Variants in SLC38A10 observed in about 807,000 individuals in gnomAD.
SLC38A10 encodes the protein solute carrier family 38 member 10, also known as Sodium-coupled neutral amino acid transporter 10.
Under a neutral mutation model 81.0 loss-of-function variants are expected in SLC38A10, and 53 were observed. The ratio of observed to expected loss-of-function variants is 0.65; its 90% CI spans 0.53 to 0.82. The LOEUF is 0.82. Ranked by LOEUF, SLC38A10 falls within the 40% of genes least tolerant of loss-of-function variation. SLC38A10 has a pLI of 0.00. For synonymous variants in SLC38A10, 665 were observed against 655.3 expected (o/e 1.01, Z -0.23); for missense variants, 1,471 against 1,545.0 (o/e 0.95, Z 0.80).
intron 10 of SLC38A10, 138 bp from the exon 11 acceptor site, chr17:81,260,532 C>T (rs902050564): frequency 1.7e-5 from 20 of 1,197,682 alleles, no homozygotes; most frequent in African/African-American, 1.5e-4. Context: ...CCCCCGAGGA[C>T]GGGACAGGCG....
At position 81,247,198 on chromosome 17, in the gene SLC38A10, C is replaced by T. The variant is rs577662046; in HGVS notation, c.2066-137G>A. On this transcript the variant is annotated intron_variant, in intron 14 of 15. Transcript: ENST00000374759. Reference sequence around the variant, plus strand: ...GCCCGAACACTGGCCACTGGTGACACCCATCATGACTGTGACCGTGAAGCC... The same window carrying T: ...GCCCGAACACTGGCCACTGGTGACATCCATCATGACTGTGACCGTGAAGCC... 119 of 858,638 alleles carry T rather than the reference C, an allele frequency of 1.4e-4. No homozygotes were observed. The South Asian group carries it at 2.4e-3, about 17-fold the overall frequency. The allele number at this position is 858,638 out of a possible 1,614,324, so 53.2% of individuals were successfully genotyped here.
intron 6 of SLC38A10, among the ~76,000 whole-genome samples, chr17:81,278,845 G>A (rs1338818297): frequency 6.6e-6 from 1 of 152,186 alleles, no homozygotes; most frequent in Admixed American, 6.5e-5. Context: ...GACACTGTGG[G>A]AAGGGGTGTC....
intron 10 of SLC38A10, among the ~76,000 whole-genome samples, chr17:81,267,390 C>G (rs1396324229): frequency 6.6e-6 from 1 of 152,108 alleles, no homozygotes. Flanking sequence ...TGGGGAAATT[C>G]TAACTATGGC....
chr17:81,250,761 A>G, intron 14 of SLC38A10: 1 of 911,450 alleles, frequency 1.1e-6, no homozygotes, highest in Non-Finnish European at 1.3e-6. Context: ...GACATGGCAC[A>G]GAAGCCTGTC....
At chr17:81,256,453 C>T (rs1031213817) in intron 11 of SLC38A10, among the ~76,000 whole-genome samples, 4 of 152,220 alleles carry the variant, frequency 2.6e-5, no homozygotes, top group African/African-American at 4.8e-5. Flanking sequence ...TGCGGGCTGC[C>T]GGCTTGGACC....
rs2063107987 is a variant in SLC38A10 at position 81,270,762 on chromosome 17, T to G, written c.1131+156A>C. On this transcript the variant is annotated intron_variant, in intron 10 of 15. Transcript: ENST00000374759. This position sits in a 1 kb window ranked among gnomAD's most constrained non-coding sequence, Gnocchi z 4.0. ...CCGTGCGTCCTGGTGAACCCAGGGT[T>G]CCCCAGGCTGACTGGACCAAGTCCC... Among the ~76,000 whole-genome samples, 2 of 152,168 alleles carry G rather than the reference T, an allele frequency of 1.3e-5. No individual in the cohort carries two copies. The highest frequency in any genetic ancestry group is 4.1e-4 in the South Asian group (2 of 4,828).
chr17:81,293,384 C>T (rs2063324898), intron 1 of SLC38A10, among the ~76,000 whole-genome samples: 2 of 152,260 alleles, frequency 1.3e-5, no homozygotes, highest in African/African-American at 4.8e-5. Flanking sequence ...CTTCCCCTGA[C>T]AGGCTCACCA....
Position 81,281,103 on chromosome 17 carries a change from T to C in SLC38A10, c.502-370A>G, listed in dbSNP as rs7212762. Among the ~76,000 whole-genome samples, 26,561 of 152,216 alleles carry C rather than the reference T, an allele frequency of 0.17. 3,015 individuals carry two copies. Among genetic ancestry groups the C allele is most frequent in the African/African-American group, 0.32 (13,143 of 41,490 alleles). On this transcript the variant is annotated intron_variant, in intron 5 of 15. Transcript: ENST00000374759. This position sits in a 1 kb window ranked among gnomAD's most constrained non-coding sequence, Gnocchi z 5.3. ...CACGTGGGCAGGTCCCTCCCCATCT[T>C]GTACTGTGTTAGACATGGACATTTT...
rs1205716813 is a variant in SLC38A10 at position 81,281,011 on chromosome 17, C to T, written c.502-278G>A. ...CTGCTCTTGCAAGGGGGCTGCTTGG[C>T]GCAGACGGGAGGAGACCACTGAGCA... On this transcript the variant is annotated intron_variant, in intron 5 of 15. Coordinates refer to ENST00000374759, the MANE Select transcript of SLC38A10 (RefSeq NM_001037984.3). This position sits in a 1 kb window ranked among gnomAD's most constrained non-coding sequence, Gnocchi z 5.3. Among the ~76,000 whole-genome samples, 1 of 152,244 alleles carries T rather than the reference C, an allele frequency of 6.6e-6. No individual in the cohort carries two copies. Among genetic ancestry groups the T allele is most frequent in the African/African-American group, 2.4e-5 (1 of 41,478 alleles).
Position 81,286,564 on chromosome 17 carries a change from A to C in SLC38A10, c.218-1669T>G, listed in dbSNP as rs573179025. 6.6e-6 allele frequency among the ~76,000 whole-genome samples: 1 copy of C among 152,332 alleles called. No individual in the cohort carries two copies. Among genetic ancestry groups the C allele is most frequent in the East Asian group, 1.9e-4 (1 of 5,188 alleles). ...TGCGTGGACTGGCACAGAGAAAGGG[A>C]GGAAGAGGCTGAAGCGCCCAGCAAG... On this transcript the variant is annotated intron_variant, in intron 2 of 15. Coordinates refer to ENST00000374759, the MANE Select transcript of SLC38A10 (RefSeq NM_001037984.3). This position sits in a 1 kb window ranked among gnomAD's most constrained non-coding sequence, Gnocchi z 6.0.
At chr17:81,252,001 T>C in intron 13 of SLC38A10, 194 bp downstream of exon 13, 2 of 769,436 alleles carry the variant, frequency 2.6e-6, no homozygotes, top group Admixed American at 5.6e-5. Context: ...GTGTGACAGA[T>C]ATTACAGTAG....
chr17:81,255,736 C>T (rs1004404537), intron 11 of SLC38A10, among the ~76,000 whole-genome samples: 4 of 152,212 alleles, frequency 2.6e-5, no homozygotes, highest in South Asian at 4.1e-4. Context: ...TGGCTCACTC[C>T]GGTAATCCCA....
intron 10 of SLC38A10, chr17:81,263,355 C>T (rs935015151): frequency 6.6e-6 from 1 of 152,500 alleles, no homozygotes; most frequent in Non-Finnish European, 1.5e-5. Context: ...ACCTCCTACC[C>T]CAAGGCGTCC....
chr17:81,246,383 C>G lies in SLC38A10; in HGVS notation c.2533G>C (p.Ala845Pro). 6.2e-7 allele frequency: 1 copy of G among 1,600,868 alleles called. No homozygotes were observed. Among genetic ancestry groups the G allele is most frequent in the Middle Eastern group, 1.7e-4 (1 of 5,792 alleles). ...TTGGGGAGCTCCTTCACAGTGCCAG[C>G]TGCCCTGGGGGCGGCATCCTTCTGG... ...DGQKDAAPRA[A>P]GTVKELPKGP... is the part of the protein sequence containing the mutation. Residue 845 changes from alanine to proline, a missense_variant, in exon 16 of 16, where the codon GCT (alanine) becomes CCT (proline). Coordinates refer to ENST00000374759, the MANE Select transcript of SLC38A10 (RefSeq NM_001037984.3).
intron 8 of SLC38A10, among the ~76,000 whole-genome samples, chr17:81,274,144 G>A (rs1252009486): frequency 6.6e-6 from 1 of 152,254 alleles, no homozygotes. Flanking sequence ...CTGGCCAGAT[G>A]CGCGGAGGGA....
At chr17:81,290,203 T>C (rs1419645877) in intron 1 of SLC38A10, among the ~76,000 whole-genome samples, 1 of 152,192 alleles carries the variant, frequency 6.6e-6, no homozygotes, top group Non-Finnish European at 1.5e-5. Flanking sequence ...TTTTCCCCGT[T>C]CTCATAAGTT....
rs760536996 is a variant in SLC38A10 at position 81,251,591 on chromosome 17, G to A, written c.1967C>T (p.Ala656Val). Residue 656 changes from alanine (A) to valine (V), a missense_variant, in exon 14 of 16, where the codon GCG (alanine) becomes GTG (valine). Physicochemically the swap from Ala to Val is moderately conservative, Grantham distance 64. Coordinates refer to ENST00000374759, the MANE Select transcript of SLC38A10 (RefSeq NM_001037984.3). ...CCCAGGCCCTGGAGCCGGCTTCTCC[G>A]CTGGGAGGGGAGGCTTCCCACCTGC... ...SDHGGKPPLP[A>V]EKPAPGPGLP... 4 of 1,492,282 alleles carry A rather than the reference G, an allele frequency of 2.7e-6. No homozygotes were observed. Among genetic ancestry groups the A allele is most frequent in the South Asian group, 1.4e-5 (1 of 74,072 alleles). The allele number at this position is 1,492,282 out of a possible 1,614,324, so 92.4% of individuals were successfully genotyped here.
chr17:81,278,752 G>T (rs1383772394), intron 6 of SLC38A10, among the ~76,000 whole-genome samples: 1 of 152,160 alleles, frequency 6.6e-6, no homozygotes, highest in Non-Finnish European at 1.5e-5. Flanking sequence ...TGGCTTGAGG[G>T]GACCAGCGTT....
chr17:81,285,851 A>G (rs1360139688), intron 2 of SLC38A10: 2 of 152,004 alleles, frequency 1.3e-5, no homozygotes, highest in Non-Finnish European at 2.9e-5. Flanking sequence ...TCCAAAAAAC[A>G]CTCCTTATTA....
Sources: allele counts gnomAD v4.1 joint callset (sites outside exome capture counted in the v4.1 genomes callset), GRCh38; gene constraint gnomAD v4.1.1; non-coding constraint Gnocchi (gnomAD v3.1); transcripts MANE v1.5; gene names NCBI Gene and HGNC (gene_info 2026-07-23, HGNC 2026-07-21).